The following FARSB variants were observed in gnomAD, a reference collection of about 807,000 sequenced individuals.
The protein encoded by FARSB is phenylalanine--tRNA ligase beta subunit.
In FARSB, 40 loss-of-function variants were observed where a neutral mutation model predicts 69.6. The ratio of observed to expected loss-of-function variants is 0.57; its 90% CI spans 0.45 to 0.75. The LOEUF (loss-of-function observed/expected upper bound fraction) is 0.75, where lower values mean the gene tolerates loss of function less well. FARSB is among the 30% of genes least tolerant of loss of function. The pLI is 0.00. For synonymous variants in FARSB, 235 were observed against 247.2 expected (o/e 0.95, Z 0.46); for missense variants, 632 against 722.9 (o/e 0.87, Z 1.44).
At chr2:222,572,771 G>T (rs1028367115) in intron 16 of FARSB, among the ~76,000 whole-genome samples, 2 of 152,162 alleles carry the variant, frequency 1.3e-5, no homozygotes, top group Admixed American at 1.3e-4. Flanking sequence ...GCTTACCAAG[G>T]CAGTAACAGT....
intron 16 of FARSB, among the ~76,000 whole-genome samples, chr2:222,579,041 T>C (rs903467044): frequency 1.8e-4 from 27 of 152,150 alleles, no homozygotes; most frequent in Non-Finnish European, 3.8e-4. Context: ...GCACCTCGCC[T>C]TCTATTCACT....
rs1177792473 is a variant in FARSB, at chr2:222,568,449, A to G, written c.*3422T>C. 3 of 152,142 alleles carry G rather than the reference A, an allele frequency of 2.0e-5. No homozygotes were observed. Among genetic ancestry groups the G allele is most frequent in the Non-Finnish European group, 4.4e-5 (3 of 68,030 alleles). The allele number at this position is 152,142 out of a possible 1,614,324, so 9.4% of individuals were successfully genotyped here. A position where few individuals can be genotyped will look rare whatever the true frequency, so the allele number is the denominator to read the frequency against. ...TCTGAGTAAGTTATTGATCTCTCTG[A>G]AACTCAACTGTTTTCACCCTACACA... On this transcript the variant is annotated 3_prime_UTR_variant, in exon 17 of 17. Coordinates refer to ENST00000281828, the MANE Select transcript of FARSB (RefSeq NM_005687.5). This position sits in a 1 kb window ranked among gnomAD's most constrained non-coding sequence, Gnocchi z 4.3.
intron 16 of FARSB, among the ~76,000 whole-genome samples, chr2:222,585,049 G>A (rs1690072715): frequency 6.6e-6 from 1 of 152,222 alleles, no homozygotes; most frequent in Non-Finnish European, 1.5e-5. Flanking sequence ...CTCCTCAAGT[G>A]GGTCCCTGAC....
At position 222,624,465 on chromosome 2, in the gene FARSB, T is replaced by C; in HGVS notation, c.977A>G (p.Asn326Ser). 1.2e-6 allele frequency: 2 copies of C among 1,609,772 alleles called. No homozygotes were observed. The highest frequency in any genetic ancestry group is 2.7e-5 in the African/African-American group (2 of 74,990). ...CATCCTGGTCAGAAGTTTGGCAAGA[T>C]TTTCTGGAGTTTCTCTGAAAAAGGA... The part of the protein sequence containing the change: ...KKVGIRETPE[N>S]LAKLLTRMYL... The change falls in exon 12 of 17, where the codon AAT (asparagine) becomes AGT (serine). Residue 326 changes from asparagine to serine, a missense_variant. Physicochemically the swap from Asn to Ser is conservative, Grantham distance 46 (BLOSUM62 1). Coordinates refer to ENST00000281828, the MANE Select transcript of FARSB (RefSeq NM_005687.5).
intron 16 of FARSB, among the ~76,000 whole-genome samples, chr2:222,587,050 A>G (rs1000357466): frequency 1.3e-5 from 2 of 152,242 alleles, no homozygotes; most frequent in African/African-American, 4.8e-5. Flanking sequence ...TCAACAGAAT[A>G]TACATTCTTC....
chr2:222,627,856 A>G (rs1691316551), intron 10 of FARSB, among the ~76,000 whole-genome samples: 1 of 152,244 alleles, frequency 6.6e-6, no homozygotes, highest in African/African-American at 2.4e-5. Flanking sequence ...TTTACTTCAT[A>G]AATGGCAAGG....
intron 16 of FARSB, among the ~76,000 whole-genome samples, chr2:222,581,093 TCATTTCTCAAAAAGCC>T (rs1256933534): frequency 6.6e-6 from 1 of 152,182 alleles, no homozygotes; most frequent in Non-Finnish European, 1.5e-5. Context: ...ATGACAGCAT[TCATTTCTCAAAAAGCC>T]CAAGGTTAGG....
At chr2:222,573,162 G>C (rs1234035219) in intron 16 of FARSB, among the ~76,000 whole-genome samples, 1 of 152,186 alleles carries the variant, frequency 6.6e-6, no homozygotes, top group African/African-American at 2.4e-5. Context: ...TAGTACCACA[G>C]AGACAAAGGA....
At chr2:222,626,179 G>A (rs1178390077) in intron 10 of FARSB, among the ~76,000 whole-genome samples, 1 of 149,256 alleles carries the variant, frequency 6.7e-6, no homozygotes, top group Non-Finnish European at 1.5e-5. Flanking sequence ...AACCCAGGAG[G>A]TGGAGGTTGC....
At chr2:222,644,117 G>A (rs1426343226) in intron 2 of FARSB, among the ~76,000 whole-genome samples, 3 of 152,128 alleles carry the variant, frequency 2.0e-5, no homozygotes, top group African/African-American at 7.2e-5. Context: ...TGTTTTACAT[G>A]ATGCCCTCCC....
chr2:222,620,673 G>A (rs149242927), intron 13 of FARSB, among the ~76,000 whole-genome samples: 113 of 152,342 alleles, frequency 7.4e-4, no homozygotes, highest in African/African-American at 2.7e-3. Context: ...TTATTATCAT[G>A]TATATTAATG....
At chr2:222,589,395 A>C (rs2106188101) in intron 16 of FARSB, among the ~76,000 whole-genome samples, 1 of 152,332 alleles carries the variant, frequency 6.6e-6, no homozygotes, top group East Asian at 1.9e-4. Flanking sequence ...TGTTAGACCT[A>C]AAACCATAAA....
intron 4 of FARSB, among the ~76,000 whole-genome samples, 169 bp downstream of exon 4, chr2:222,640,693 T>C (rs936783274): frequency 3.3e-5 from 5 of 152,088 alleles, no homozygotes; most frequent in Admixed American, 2.0e-4. Flanking sequence ...GAAGCAGAGG[T>C]TGCAGTGAGC....
chr2:222,611,236 C>A (rs1345143967), intron 15 of FARSB, among the ~76,000 whole-genome samples: 1 of 151,798 alleles, frequency 6.6e-6, no homozygotes, highest in East Asian at 1.9e-4. Context: ...AAAAGTAATA[C>A]CAGAAATGAA....
intron 6 of FARSB, among the ~76,000 whole-genome samples, chr2:222,633,645 G>A (rs112805278): frequency 0.059 from 7,852 of 132,074 alleles, 420 homozygotes; most frequent in African/African-American, 0.16. Flanking sequence ...TTGTGCCATT[G>A]CACTCCAGCC....
chr2:222,634,496 C>T lies in FARSB; in HGVS notation c.501G>A (p.Leu167=), dbSNP rs758903749. The T allele has an allele frequency of 1.2e-6, 2 of 1,613,222 alleles. No individual in the cohort carries two copies. Among genetic ancestry groups the T allele is most frequent in the South Asian group, 2.2e-5 (2 of 90,986 alleles). The change falls in exon 6 of 17, where the codon TTG becomes TTA. Residue 167 remains leucine (L), a synonymous_variant. Transcript: ENST00000281828. The stretch of plus-strand genomic sequence containing the variant: ...TTGCAGTATAAGTAAATGGGCCCGA[C>T]AAAGTGTCCAAATCATGGGTACCAA... ...VAIGTHDLDT[L]SGPFTYTAKR... is the part of the protein sequence containing the mutation.
intron 9 of FARSB, among the ~76,000 whole-genome samples, chr2:222,629,826 G>A (rs1450925459): frequency 2.0e-5 from 3 of 151,914 alleles, no homozygotes; most frequent in Middle Eastern, 3.2e-3. Flanking sequence ...CAGCAGCCTC[G>A]ACCTCCCAGA....
At chr2:222,596,058 G>A (rs1028058374) in intron 16 of FARSB, among the ~76,000 whole-genome samples, 3 of 151,938 alleles carry the variant, frequency 2.0e-5, no homozygotes, top group Admixed American at 2.0e-4. Flanking sequence ...ACTCAACATT[G>A]ATCTTATTCT....
chr2:222,641,214 C>T lies in FARSB; in HGVS notation c.270-283G>A, dbSNP rs189624719. 3.9e-3 allele frequency among the ~76,000 whole-genome samples: 594 copies of T among 152,224 alleles called. 12 individuals are homozygous for T. The highest frequency in any genetic ancestry group is 0.027 in the Admixed American group (408 of 15,296). On this transcript the variant is annotated intron_variant, in intron 3 of 16. Coordinates refer to ENST00000281828, the MANE Select transcript of FARSB (RefSeq NM_005687.5). Reference sequence around the variant, plus strand: ...GGCTACAAACCATTAACTGAGCAACCGTTTAAGGAGCATTTCAACATCAGC... The same window carrying T: ...GGCTACAAACCATTAACTGAGCAACTGTTTAAGGAGCATTTCAACATCAGC...
Sources: allele counts gnomAD v4.1 joint callset (sites outside exome capture counted in the v4.1 genomes callset), GRCh38; gene constraint gnomAD v4.1.1; non-coding constraint Gnocchi (gnomAD v3.1); transcripts MANE v1.5; gene names NCBI Gene and HGNC (gene_info 2026-07-23, HGNC 2026-07-21).